The following LOC400499 variants were observed in gnomAD, a reference collection of about 807,000 sequenced individuals.
chr16:11,465,991 G>C, the LOC400499 span, among the ~76,000 whole-genome samples: 1 of 152,230 alleles, frequency 6.6e-6, no homozygotes, highest in Non-Finnish European at 1.5e-5. Context: ...TCTGCAGAGA[G>C]AATGGTGTTC....
the LOC400499 span, among the ~76,000 whole-genome samples, chr16:11,444,341 T>C: frequency 3.9e-5 from 6 of 152,066 alleles, no homozygotes; most frequent in Middle Eastern, 3.4e-3. Context: ...AAGGCTGCAG[T>C]GAGTGAGCCA....
chr16:11,511,850 G>A, the LOC400499 span, among the ~76,000 whole-genome samples: 1 of 151,866 alleles, frequency 6.6e-6, no homozygotes. Flanking sequence ...AACATAGCAA[G>A]ACCCGATTTC....
the LOC400499 span, chr16:11,387,212 A>G: frequency 3.2e-6 from 4 of 1,232,110 alleles, no homozygotes; most frequent in Admixed American, 8.4e-5. Flanking sequence ...CTTCTCCTCC[A>G]TGAGGTAGCT....
chr16:11,445,430 AAAAG>A, the LOC400499 span, among the ~76,000 whole-genome samples: 4 of 152,112 alleles, frequency 2.6e-5, no homozygotes, highest in African/African-American at 4.8e-5. Context: ...CCAAAAAAAA[AAAAG>A]AAAGAAAAAG....
At chr16:11,456,708 G>T in the LOC400499 span, 1 of 946,576 alleles carries the variant, frequency 1.1e-6, no homozygotes, top group Non-Finnish European at 1.6e-6. Flanking sequence ...GATTACAGGC[G>T]TGAGCCACTG....
the LOC400499 span, among the ~76,000 whole-genome samples, chr16:11,500,536 A>AATAATAATAATAATAATAATC: frequency 4.0e-5 from 6 of 150,888 alleles, no homozygotes; most frequent in Non-Finnish European, 5.9e-5. Context: ...TAATAATAAT[A>AATAATAATAATAATAATAATC]ATCAGAAAAG....
the LOC400499 span, among the ~76,000 whole-genome samples, chr16:11,511,238 C>G: frequency 3.9e-5 from 6 of 152,170 alleles, no homozygotes; most frequent in African/African-American, 1.4e-4. Context: ...CTCAAGCAAT[C>G]TGCTCACTTT....
At chr16:11,526,951 A>G in the LOC400499 span, among the ~76,000 whole-genome samples, 1 of 152,168 alleles carries the variant, frequency 6.6e-6, no homozygotes, top group African/African-American at 2.4e-5. Context: ...TTCACCTGTC[A>G]TCTCTCGCTC....
At chr16:11,516,431 C>T in the LOC400499 span, 46 of 397,706 alleles carry the variant, frequency 1.2e-4, no homozygotes, top group African/African-American at 8.2e-4. Context: ...TCCCAGGGAA[C>T]CCCACATCCC....
chr16:11,387,901 G>C, the LOC400499 span, among the ~76,000 whole-genome samples: 1 of 152,056 alleles, frequency 6.6e-6, no homozygotes, highest in South Asian at 2.1e-4. Context: ...TGGGATTACA[G>C]GTGTGAGCCA....
At chr16:11,491,981 C>G in the LOC400499 span, 12 of 393,732 alleles carry the variant, frequency 3.0e-5, no homozygotes, top group East Asian at 4.3e-4. Flanking sequence ...GAGGCTTCCC[C>G]GACACACACT....
the LOC400499 span, among the ~76,000 whole-genome samples, chr16:11,482,175 G>A: frequency 0.041 from 6,277 of 152,194 alleles, 258 homozygotes; most frequent in East Asian, 0.16. Context: ...AATCCAAGAC[G>A]ATGAACCCCA....
At chr16:11,485,827 T>C in the LOC400499 span, among the ~76,000 whole-genome samples, 7 of 152,108 alleles carry the variant, frequency 4.6e-5, no homozygotes, top group South Asian at 2.1e-4. Flanking sequence ...GGATGGATAA[T>C]AGATGGATGT....
At chr16:11,492,860 G>C in the LOC400499 span, among the ~76,000 whole-genome samples, 1 of 152,286 alleles carries the variant, frequency 6.6e-6, no homozygotes, top group East Asian at 1.9e-4. Flanking sequence ...CAGAGCCAGG[G>C]GGACCTGGGA....
At chr16:11,375,916 A>T in the LOC400499 span, among the ~76,000 whole-genome samples, 1 of 151,800 alleles carries the variant, frequency 6.6e-6, no homozygotes, top group African/African-American at 2.4e-5. Flanking sequence ...TTTAGTAGAG[A>T]CGGGGTGAGA....
chr16:11,376,543 C>T, the LOC400499 span, among the ~76,000 whole-genome samples: 1 of 152,208 alleles, frequency 6.6e-6, no homozygotes. Context: ...TTTCATTCCA[C>T]TGGTCTGTAT....
the LOC400499 span, among the ~76,000 whole-genome samples, chr16:11,409,820 C>G: frequency 2.0e-5 from 3 of 152,074 alleles, no homozygotes; most frequent in Non-Finnish European, 2.9e-5. Context: ...AGAAACGTCT[C>G]TATATTAATT....
the LOC400499 span, chr16:11,461,990 TCTG>T: frequency 1.1e-6 from 1 of 870,608 alleles, no homozygotes; most frequent in Non-Finnish European, 1.6e-6. Context: ...GGAGCTTGGA[TCTG>T]CCCTTGGATG....
chr16:11,439,687 C>T, the LOC400499 span: 4 of 397,008 alleles, frequency 1.0e-5, no homozygotes, highest in African/African-American at 6.2e-5. Flanking sequence ...GCCCAAAGCT[C>T]AAACCAGAAA....
Sources: allele counts gnomAD v4.1 joint callset (sites outside exome capture counted in the v4.1 genomes callset), GRCh38; gene constraint gnomAD v4.1.1; transcripts MANE v1.5.